Variants in DAPP1 observed in about 807,000 individuals in gnomAD.
DAPP1 encodes the protein dual adaptor of phosphotyrosine and 3-phosphoinositides 1.
A neutral mutation model predicts 41.5 loss-of-function variants in DAPP1; 20 were observed. The ratio of observed to expected loss-of-function variants is 0.48; its 90% confidence interval spans 0.34 to 0.70. The LOEUF is 0.70. Ranked by LOEUF, DAPP1 falls within the 30% of genes least tolerant of loss-of-function variation. DAPP1 has a pLI of 0.01. For synonymous variants in DAPP1, 113 were observed against 116.2 expected (o/e 0.97, Z 0.18); for missense variants, 233 against 333.4 (o/e 0.70, Z 2.35).
In DAPP1 at chr4:99,820,407, A is replaced by G. The variant is rs994586882; in HGVS notation, c.101+3393A>G. Reference sequence around the variant, plus strand: ...ATAGCTATATATATGTATAAACACAAAAGAAATAACAAAATGAAAGTGTTT... The same window carrying G: ...ATAGCTATATATATGTATAAACACAGAAGAAATAACAAAATGAAAGTGTTT... On this transcript the variant is annotated intron_variant, in intron 1 of 8. Coordinates refer to ENST00000512369, the MANE Select transcript of DAPP1 (RefSeq NM_014395.3). Among the ~76,000 whole-genome samples, 6 of 104,284 alleles carry G rather than the reference A, an allele frequency of 5.8e-5. No homozygotes were observed. In the East Asian group the frequency reaches 1.4e-3, roughly 25 times the overall value. 68.4% of individuals were successfully genotyped at this position (104,284 alleles called of 152,430 possible).
chr4:99,824,934 C>T (rs1443874354), intron 1 of DAPP1, among the ~76,000 whole-genome samples: 1 of 152,144 alleles, frequency 6.6e-6, no homozygotes, highest in African/African-American at 2.4e-5. Context: ...GATCTCAGTA[C>T]AGTGAGATGC....
At chr4:99,865,941 T>TATA (rs796882524) in intron 7 of DAPP1, 93 bp from the exon 8 acceptor site, 80 of 69,248 alleles carry the variant, frequency 1.2e-3, no homozygotes, top group East Asian at 0.011. Flanking sequence ...TATAATATAT[T>TATA]ATATTATATA....
Position 99,868,236 on chromosome 4 carries a change from C to A in DAPP1, c.*51C>A. On this transcript the variant is annotated 3_prime_UTR_variant, in exon 9 of 9. Transcript: ENST00000512369. ...GCCCAGGAGCAAGGTGGAATGTTTC[C>A]CTGACGCTGTGATCTGCAGCAGGCT... is the stretch of plus-strand genomic sequence containing the variant. The A allele has an allele frequency of 6.7e-7, 1 of 1,482,156 alleles. No homozygotes were observed. The highest frequency in any genetic ancestry group is 9.4e-7 in the Non-Finnish European group (1 of 1,060,534). The allele number at this position is 1,482,156 out of a possible 1,614,324, so 91.8% of individuals were successfully genotyped here.
intron 7 of DAPP1, chr4:99,864,189 T>C (rs564662796): frequency 6.0e-6 from 1 of 166,566 alleles, no homozygotes; most frequent in East Asian, 1.7e-4. Flanking sequence ...TGATTTGTAT[T>C]GTTATGACAA....
chr4:99,851,751 C>T (rs1723871981), intron 3 of DAPP1, among the ~76,000 whole-genome samples: 1 of 151,864 alleles, frequency 6.6e-6, no homozygotes, highest in Non-Finnish European at 1.5e-5. Context: ...GATGGGGTTT[C>T]ACTATGTTGG....
chr4:99,868,348 A>G lies in DAPP1; in HGVS notation c.*163A>G. 1 of 632,244 alleles carries G rather than the reference A, an allele frequency of 1.6e-6. No individual in the cohort carries two copies. Among genetic ancestry groups the G allele is most frequent in the East Asian group, 2.8e-5 (1 of 36,282 alleles). 39.2% of individuals were successfully genotyped at this position (632,244 alleles called of 1,614,324 possible). A position where few individuals can be genotyped will look rare whatever the true frequency, so the allele number is the denominator to read the frequency against. On this transcript the variant is annotated 3_prime_UTR_variant, in exon 9 of 9. Coordinates refer to ENST00000512369, the MANE Select transcript of DAPP1 (RefSeq NM_014395.3). ...GACCCATATACCACGTTGCTGACTCACGTTGCTGCCCTTCCATGATGTTGC... is the reference window on the plus strand; with the variant it reads ...GACCCATATACCACGTTGCTGACTCGCGTTGCTGCCCTTCCATGATGTTGC...
At chr4:99,829,954 TTAAA>T (rs1248353027) in intron 1 of DAPP1, among the ~76,000 whole-genome samples, 2 of 152,218 alleles carry the variant, frequency 1.3e-5, no homozygotes, top group African/African-American at 2.4e-5. Flanking sequence ...ATTTCTCATT[TTAAA>T]TAAATATTCC....
At chr4:99,853,735 C>A (rs1007233871) in intron 4 of DAPP1, among the ~76,000 whole-genome samples, 2 of 152,144 alleles carry the variant, frequency 1.3e-5, no homozygotes, top group Non-Finnish European at 2.9e-5. Flanking sequence ...GGAAGGATTA[C>A]TTGAGTCAAG....
intron 4 of DAPP1, among the ~76,000 whole-genome samples, chr4:99,855,726 C>T (rs1177318428): frequency 6.6e-6 from 1 of 152,184 alleles, no homozygotes; most frequent in Non-Finnish European, 1.5e-5. Context: ...GAGTTCTGGT[C>T]TGATCAGAAT....
chr4:99,828,836 T>G (rs1723028878), intron 1 of DAPP1, among the ~76,000 whole-genome samples: 2 of 152,224 alleles, frequency 1.3e-5, no homozygotes, highest in African/African-American at 4.8e-5. Context: ...ACAAATATTC[T>G]TTTGGAGCTT....
At chr4:99,837,193 A>G (rs1723331535) in intron 2 of DAPP1, among the ~76,000 whole-genome samples, 1 of 152,246 alleles carries the variant, frequency 6.6e-6, no homozygotes, top group African/African-American at 2.4e-5. Flanking sequence ...GATAATGTCC[A>G]TATCTTAACA....
intron 7 of DAPP1, 98 bp downstream of exon 7, chr4:99,863,953 G>C: frequency 1.3e-6 from 1 of 789,900 alleles, no homozygotes; most frequent in Admixed American, 2.7e-5. Flanking sequence ...TGTCTACAAA[G>C]ATCAGATATG....
chr4:99,845,220 G>A (rs1462213512), intron 3 of DAPP1, among the ~76,000 whole-genome samples: 1 of 152,216 alleles, frequency 6.6e-6, no homozygotes, highest in Non-Finnish European at 1.5e-5. Flanking sequence ...GTAAACATCA[G>A]GGCTGAGATT....
At chr4:99,822,634 G>T (rs1442641075) in intron 1 of DAPP1, among the ~76,000 whole-genome samples, 1 of 152,138 alleles carries the variant, frequency 6.6e-6, no homozygotes, top group African/African-American at 2.4e-5. Context: ...CAGTCCCCAA[G>T]ACCCATCTGG....
At chr4:99,824,991 C>T (rs1013785013) in intron 1 of DAPP1, among the ~76,000 whole-genome samples, 3 of 152,134 alleles carry the variant, frequency 2.0e-5, no homozygotes, top group Admixed American at 6.5e-5. Context: ...TCAGGTCTGT[C>T]CAAATCTGAC....
intron 2 of DAPP1, among the ~76,000 whole-genome samples, chr4:99,839,769 T>A (rs78132096): frequency 0.014 from 2,081 of 152,214 alleles, 52 homozygotes; most frequent in African/African-American, 0.047. Context: ...TCCATTAGAG[T>A]GAAAAGTTGA....
At chr4:99,844,517 C>T (rs906488417) in intron 3 of DAPP1, 1 of 152,096 alleles carries the variant, frequency 6.6e-6, no homozygotes, top group South Asian at 2.1e-4. Flanking sequence ...AAAATGTAGA[C>T]GGCATTTATC....
rs190876634 is a variant in DAPP1, at chr4:99,850,744, G to C, written c.359-2474G>C. Among the ~76,000 whole-genome samples, 375 of 152,132 alleles carry C rather than the reference G, an allele frequency of 2.5e-3. 2 individuals are homozygous for C. Among genetic ancestry groups the C allele is most frequent in the African/African-American group, 8.6e-3 (355 of 41,506 alleles). ...TATTCCTAGCAGAATGTTGCGTCTA[G>C]GTCTTTTTTAAGATTTCAAAATCCA... On this transcript the variant is annotated intron_variant, in intron 3 of 8. Transcript: ENST00000512369.
At chr4:99,848,660 G>A (rs1157905400) in intron 3 of DAPP1, among the ~76,000 whole-genome samples, 1 of 152,192 alleles carries the variant, frequency 6.6e-6, no homozygotes, top group African/African-American at 2.4e-5. Context: ...GTCAATTGAT[G>A]TGTCTGTCTT....
Sources: allele counts gnomAD v4.1 joint callset (sites outside exome capture counted in the v4.1 genomes callset), GRCh38; gene constraint gnomAD v4.1.1; transcripts MANE v1.5; gene names NCBI Gene and HGNC (gene_info 2026-07-23, HGNC 2026-07-21).